Variants in ZER1 observed in about 807,000 individuals in gnomAD.
The protein encoded by ZER1 is zyg-11 related cell cycle regulator.
ZER1 carries 11 observed loss-of-function variants against 78.8 expected under a neutral mutation model. The ratio of observed to expected loss-of-function variants is 0.14; its 90% confidence interval spans 0.09 to 0.23. ZER1 has a LOEUF of 0.23. Among genes scored for constraint, ZER1 ranks in the 10% least tolerant of loss-of-function variants. The pLI is 1.00. For synonymous variants in ZER1, 400 were observed against 407.0 expected (o/e 0.98, Z 0.21); for missense variants, 588 against 996.9 (o/e 0.59, Z 5.52).
At position 128,752,728 on chromosome 9, in the gene ZER1, T is replaced by C. The variant is rs1394772623; in HGVS notation, c.868A>G (p.Met290Val). The stretch of plus-strand genomic sequence containing the variant: ...GAGATGCTGCAGTTCTCTAGGATCA[T>C]GTGGCCAGAGATGTCCAGGGACATT... The part of the protein sequence containing the change: ...NLMSLDISGH[M>V]ILENCSISKM... Residue 290 changes from methionine (M) to valine (V), a missense_variant, in exon 5 of 16, where the codon ATG becomes GTG. Met to Val is a conservative substitution (Grantham distance 21). Around this residue, in one of 3 missense-constraint regions of ZER1, gnomAD observed 406 missense variants for 660.1 expected, o/e 0.62. Coordinates refer to ENST00000291900, the MANE Select transcript of ZER1 (RefSeq NM_006336.4). 2.5e-6 allele frequency: 4 copies of C among 1,614,186 alleles called. No individual in the cohort carries two copies. The highest frequency in any genetic ancestry group is 3.4e-6 in the Non-Finnish European group (4 of 1,180,034).
intron 7 of ZER1, 72 bp from the exon 8 acceptor site, chr9:128,750,861 AG>A: frequency 1.3e-6 from 2 of 1,585,088 alleles, no homozygotes; most frequent in Non-Finnish European, 1.7e-6. Context: ...GGGCTGGAAC[AG>A]GCTCTCTGGG....
intron 1 of ZER1, among the ~76,000 whole-genome samples, chr9:128,769,580 A>C (rs1042477147): frequency 2.6e-5 from 4 of 151,598 alleles, no homozygotes; most frequent in African/African-American, 9.7e-5. Context: ...CACCCGGCTA[A>C]TTTTTGTATT....
intron 1 of ZER1, among the ~76,000 whole-genome samples, chr9:128,760,363 C>T (rs1316903517): frequency 1.3e-5 from 2 of 152,030 alleles, no homozygotes; most frequent in East Asian, 1.9e-4. Context: ...CCACCACGCC[C>T]GGCTAATATT....
At chr9:128,762,151 G>A (rs1473527133) in intron 1 of ZER1, among the ~76,000 whole-genome samples, 1 of 151,630 alleles carries the variant, frequency 6.6e-6, no homozygotes. Context: ...GTTAGTGTTG[G>A]TGTATTTTAC....
chr9:128,771,049 C>T (rs1864367642), intron 1 of ZER1, among the ~76,000 whole-genome samples: 2 of 152,144 alleles, frequency 1.3e-5, no homozygotes, highest in Admixed American at 1.3e-4. Flanking sequence ...GACTGACAAA[C>T]ACAGGCAAAG....
At chr9:128,743,578 T>G (rs1249123344) in intron 8 of ZER1, among the ~76,000 whole-genome samples, 1 of 150,948 alleles carries the variant, frequency 6.6e-6, no homozygotes, top group Non-Finnish European at 1.5e-5. Context: ...TGTGCCACCA[T>G]ATGCGCAGCT....
In ZER1 at chr9:128,753,270, C is replaced by A; in HGVS notation, c.640G>T (p.Ala214Ser). Residue 214 changes from alanine (A) to serine (S), a missense_variant, in exon 4 of 16, where the codon GCC (alanine) becomes TCC (serine). Ala to Ser is a moderately conservative substitution (Grantham distance 99, BLOSUM62 1). This residue lies in a region of ZER1 where 406 missense variants were observed against 660.1 expected (regional missense o/e 0.62). Transcript: ENST00000291900. The surrounding 1 kb of genome is among the most constrained non-coding windows in gnomAD (Gnocchi z 7.5). ...LDLSGIQTSD[A>S]AFLTQWKDSL... ...TCTTTCCACTGGGTGAGGAAGGCGG[C>A]GTCGCTCGTCTGAATGCCTGAGAGG... is the stretch of plus-strand genomic sequence containing the variant. 1 of 1,604,288 alleles carries A rather than the reference C, an allele frequency of 6.2e-7. No individual in the cohort carries two copies.
chr9:128,765,964 G>C (rs537128865), intron 1 of ZER1, among the ~76,000 whole-genome samples: 2 of 152,362 alleles, frequency 1.3e-5, no homozygotes, highest in African/African-American at 4.8e-5. Flanking sequence ...AGGCCTTGAG[G>C]AGGCTGCATT....
At chr9:128,764,975 A>G (rs1255679345) in intron 1 of ZER1, among the ~76,000 whole-genome samples, 1 of 152,200 alleles carries the variant, frequency 6.6e-6, no homozygotes, top group Non-Finnish European at 1.5e-5. Context: ...CAGCAGCAGC[A>G]GAAGGCACCG....
chr9:128,749,016 T>C (rs1863589354), intron 8 of ZER1, among the ~76,000 whole-genome samples: 1 of 143,592 alleles, frequency 7.0e-6, no homozygotes, highest in Admixed American at 6.9e-5. Flanking sequence ...TGAGACCCTG[T>C]CTTAATTAAA....
At chr9:128,731,441 G>GGGGGTGGGGGGGGC in intron 15 of ZER1, 47 bp from the exon 16 acceptor site, 1 of 704,906 alleles carries the variant, frequency 1.4e-6, no homozygotes, top group East Asian at 3.1e-5. Context: ...CTTGGGTGGG[G>GGGGGTGGGGGGGGC]GTGAGCCCAG....
In ZER1 at chr9:128,740,019, A is replaced by G. The variant is rs1863235384; in HGVS notation, c.1954T>C (p.Cys652Arg). ...MFDGPEAWGV[C>R]EPQREEVEER... is the part of the protein sequence containing the mutation. ...TCCACCTCCTCACGCTGGGGCTCAC[A>G]GACGCCCCAGGCCTCGGGTCCATCA... Residue 652 changes from cysteine (C) to arginine (R), a missense_variant, in exon 13 of 16, where the codon TGT (cysteine) becomes CGT (arginine). By Grantham distance (180) the Cys-to-Arg change is radical. Coordinates refer to ENST00000291900, the MANE Select transcript of ZER1 (RefSeq NM_006336.4). This position sits in a 1 kb window ranked among gnomAD's most constrained non-coding sequence, Gnocchi z 4.4. The G allele has an allele frequency of 6.2e-7, 1 of 1,613,982 alleles. No homozygotes were observed. The highest frequency in any genetic ancestry group is 1.3e-5 in the African/African-American group (1 of 74,924).
In ZER1 at chr9:128,753,290, G is replaced by A; in HGVS notation, c.620C>T (p.Ser207Leu). The A allele has an allele frequency of 6.2e-7, 1 of 1,610,930 alleles. No individual in the cohort carries two copies. The highest frequency in any genetic ancestry group is 8.5e-7 in the Non-Finnish European group (1 of 1,178,594). ...PLNSLAALDL[S>L]GIQTSDAAFL... ...GGCGGCGTCGCTCGTCTGAATGCCT[G>A]AGAGGTCCAAGGCAGCCAGGGAGTT... Residue 207 changes from serine to leucine, a missense_variant, in exon 4 of 16, where the codon TCA (serine) becomes TTA (leucine). Ser to Leu is a moderately radical substitution (Grantham distance 145, BLOSUM62 -2). This residue lies in a region of ZER1 where 406 missense variants were observed against 660.1 expected (regional missense o/e 0.62). Transcript: ENST00000291900. This position sits in a 1 kb window ranked among gnomAD's most constrained non-coding sequence, Gnocchi z 7.5.
intron 1 of ZER1, among the ~76,000 whole-genome samples, chr9:128,770,536 C>G (rs1437912690): frequency 6.6e-6 from 1 of 152,184 alleles, no homozygotes; most frequent in African/African-American, 2.4e-5. Context: ...GCTCAAAGGT[C>G]ACCTTACTAG....
intron 13 of ZER1, among the ~76,000 whole-genome samples, chr9:128,735,757 C>T (rs1863046341): frequency 2.6e-5 from 2 of 77,404 alleles, no homozygotes; most frequent in African/African-American, 1.1e-4. Context: ...GCACGTGTGA[C>T]CTGGTTTTTT....
Position 128,753,534 on chromosome 9 carries a change from T to C in ZER1, c.376A>G (p.Ser126Gly). ...LSAKSLQTLR[S>G]FSHTLVSLSL... ...AAGGACACCAGGGTGTGGCTGAAGCTCCTCAGTGTCTGCAGGCTCTTGGCG... is the reference window on the plus strand; with the variant it reads ...AAGGACACCAGGGTGTGGCTGAAGCCCCTCAGTGTCTGCAGGCTCTTGGCG... Residue 126 changes from serine to glycine, a missense_variant, in exon 4 of 16, where the codon AGC becomes GGC. Transcript: ENST00000291900. This position sits in a 1 kb window ranked among gnomAD's most constrained non-coding sequence, Gnocchi z 7.5. The C allele has an allele frequency of 4.3e-6, 7 of 1,614,090 alleles. No homozygotes were observed. Among genetic ancestry groups the C allele is most frequent in the Non-Finnish European group, 5.9e-6 (7 of 1,180,034 alleles).
intron 1 of ZER1, among the ~76,000 whole-genome samples, chr9:128,761,368 C>G (rs1460303983): frequency 6.6e-6 from 1 of 150,594 alleles, no homozygotes; most frequent in East Asian, 2.0e-4. Context: ...CTCACTGCAA[C>G]CTCTGCTTTC....
chr9:128,769,901 T>C (rs959249496), intron 1 of ZER1, among the ~76,000 whole-genome samples: 2 of 152,174 alleles, frequency 1.3e-5, no homozygotes, highest in Admixed American at 6.5e-5. Context: ...CCAAGCACAA[T>C]GGCCATTTGT....
In ZER1 at chr9:128,755,384, C is replaced by T; in HGVS notation, c.158+24G>A. Reference sequence around the variant, plus strand: ...CACATTCATGGTAAGACCCCTGCCCCTCCTCAGCCCTGGGTCTGCTCACTC... The same window carrying T: ...CACATTCATGGTAAGACCCCTGCCCTTCCTCAGCCCTGGGTCTGCTCACTC... On this transcript the variant is annotated intron_variant, in intron 2 of 15. Coordinates refer to ENST00000291900, the MANE Select transcript of ZER1 (RefSeq NM_006336.4). The surrounding 1 kb of genome is among the most constrained non-coding windows in gnomAD (Gnocchi z 5.6). 6.2e-7 allele frequency: 1 copy of T among 1,612,908 alleles called. No individual in the cohort carries two copies. Among genetic ancestry groups the T allele is most frequent in the Non-Finnish European group, 8.5e-7 (1 of 1,178,986 alleles).
Sources: gnomAD v4.1 joint callset for allele counts (sites outside exome capture counted in the v4.1 genomes callset) on GRCh38, gnomAD v4.1.1 for gene constraint, gnomAD v4.1.1 regional missense constraint, Gnocchi (gnomAD v3.1) non-coding constraint, MANE v1.5 for transcripts, NCBI Gene and HGNC (gene_info 2026-07-23, HGNC 2026-07-21) for gene names.